Variants in EXOC4 observed in about 807,000 individuals in gnomAD.
EXOC4 encodes exocyst complex component 4.
Under a neutral mutation model 107.2 loss-of-function variants are expected in EXOC4, and 71 were observed. That is an observed-to-expected ratio of 0.66 (90% CI 0.55 to 0.81). The LOEUF (loss-of-function observed/expected upper bound fraction) is 0.81, where lower values mean the gene tolerates loss of function less well. EXOC4 is among the 30% of genes least tolerant of loss of function. EXOC4 has a pLI of 0.00. For synonymous variants in EXOC4, 456 were observed against 441.2 expected (o/e 1.03, Z -0.42); for missense variants, 1,108 against 1,189.6 (o/e 0.93, Z 1.01).
intron 14 of EXOC4, among the ~76,000 whole-genome samples, chr7:133,945,680 C>T (rs1218661826): frequency 6.6e-6 from 1 of 152,158 alleles, no homozygotes; most frequent in South Asian, 2.1e-4. Flanking sequence ...TGGAAAAGGC[C>T]GAGGTGTCGG....
intron 17 of EXOC4, among the ~76,000 whole-genome samples, chr7:134,049,613 G>C (rs1415307329): frequency 6.6e-6 from 1 of 152,088 alleles, no homozygotes; most frequent in East Asian, 1.9e-4. Flanking sequence ...AGCCCTTCCT[G>C]CCTGTGATCT....
chr7:133,356,665 G>A (rs1271251469), intron 6 of EXOC4, 92 bp downstream of exon 6: 2 of 1,442,048 alleles, frequency 1.4e-6, no homozygotes, highest in Admixed American at 4.0e-5. Flanking sequence ...TGTTGATGTT[G>A]TTTTCTTGAA....
At chr7:133,712,480 G>A (rs977438912) in intron 10 of EXOC4, among the ~76,000 whole-genome samples, 87 of 131,840 alleles carry the variant, frequency 6.6e-4, no homozygotes, top group African/African-American at 2.3e-3. Context: ...AAAATGGAGC[G>A]CTCCTACACT....
chr7:133,298,893 CA>C (rs1428042002), intron 3 of EXOC4, among the ~76,000 whole-genome samples: 2 of 152,250 alleles, frequency 1.3e-5, no homozygotes, highest in African/African-American at 4.8e-5. Context: ...AAAAGATTAG[CA>C]ATGACTTAAA....
chr7:133,651,834 A>C (rs1428638941), intron 10 of EXOC4, among the ~76,000 whole-genome samples: 1 of 152,018 alleles, frequency 6.6e-6, no homozygotes, highest in Non-Finnish European at 1.5e-5. Context: ...ACAGGCATGC[A>C]CGACCACACC....
At chr7:133,807,151 G>A (rs1797097535) in intron 10 of EXOC4, among the ~76,000 whole-genome samples, 1 of 152,156 alleles carries the variant, frequency 6.6e-6, no homozygotes, top group South Asian at 2.1e-4. Context: ...GACCCAGATG[G>A]TCTTGGAACC....
At chr7:133,872,458 A>AT (rs1244777401) in intron 11 of EXOC4, among the ~76,000 whole-genome samples, 3 of 152,162 alleles carry the variant, frequency 2.0e-5, no homozygotes, top group Admixed American at 2.0e-4. Context: ...TGAAGTACTC[A>AT]TTTGTCTGAC....
intron 13 of EXOC4, among the ~76,000 whole-genome samples, chr7:133,937,676 G>C (rs1001116384): frequency 1.3e-5 from 2 of 152,176 alleles, no homozygotes; most frequent in Non-Finnish European, 1.5e-5. Flanking sequence ...AATCATTGGA[G>C]TCACTTATTT....
intron 7 of EXOC4, among the ~76,000 whole-genome samples, chr7:133,456,938 T>TA (rs1798476145): frequency 6.6e-6 from 1 of 152,168 alleles, no homozygotes; most frequent in Admixed American, 6.5e-5. Context: ...GCAGAGAAAC[T>TA]AAATGTAGTT....
intron 10 of EXOC4, among the ~76,000 whole-genome samples, chr7:133,658,220 G>A (rs1803348156): frequency 6.6e-6 from 1 of 152,134 alleles, no homozygotes; most frequent in Non-Finnish European, 1.5e-5. Context: ...CGTGAGGACT[G>A]TTTGAGTCTA....
chr7:133,686,440 G>A (rs76152286), intron 10 of EXOC4, among the ~76,000 whole-genome samples: 2,585 of 152,190 alleles, frequency 0.017, 32 homozygotes, highest in Non-Finnish European at 0.027. Flanking sequence ...GATAAACACA[G>A]CAATTGATGC....
chr7:134,011,028 T>TA (rs1171023361), intron 17 of EXOC4, among the ~76,000 whole-genome samples: 1 of 152,236 alleles, frequency 6.6e-6, no homozygotes, highest in Non-Finnish European at 1.5e-5. Context: ...TCCTCTATGG[T>TA]AATGATCATT....
chr7:133,316,545 G>A lies in EXOC4; in HGVS notation c.657-739G>A, dbSNP rs148656369. Among the ~76,000 whole-genome samples the A allele has an allele frequency of 4.6e-5, 7 of 152,232 alleles. No homozygotes were observed. In the South Asian group the frequency reaches 1.5e-3, roughly 32 times the overall value. On this transcript the variant is annotated intron_variant, in intron 4 of 17. Coordinates refer to ENST00000253861, the MANE Select transcript of EXOC4 (RefSeq NM_021807.4). ...TCACTTAACAGGTATTTTGAGATGG[G>A]AATTAATTGGAAATTTTGTTTTTTA...
downstream of EXOC4, among the ~76,000 whole-genome samples, chr7:134,067,870 C>T (rs1796208501): frequency 6.6e-6 from 1 of 152,106 alleles, no homozygotes; most frequent in African/African-American, 2.4e-5. Flanking sequence ...GGTCTCTCAT[C>T]CTAGGCGGTG....
chr7:134,005,451 A>G (rs1794624080), intron 16 of EXOC4, among the ~76,000 whole-genome samples: 1 of 152,184 alleles, frequency 6.6e-6, no homozygotes, highest in African/African-American at 2.4e-5. Flanking sequence ...CTGAAAGATC[A>G]CTCATTGGCT....
At chr7:134,003,343 G>A (rs1017589673) in intron 15 of EXOC4, among the ~76,000 whole-genome samples, 1 of 152,152 alleles carries the variant, frequency 6.6e-6, no homozygotes, top group East Asian at 1.9e-4. Context: ...TGGAGGAGAT[G>A]TTTGTGTTCT....
chr7:133,722,129 A>G (rs1354002157), intron 10 of EXOC4, among the ~76,000 whole-genome samples: 1 of 152,380 alleles, frequency 6.6e-6, no homozygotes, highest in South Asian at 2.1e-4. Context: ...AACTAAAGAC[A>G]TAAAAATGTG....
intron 9 of EXOC4, among the ~76,000 whole-genome samples, chr7:133,593,324 C>T (rs1261912254): frequency 6.6e-6 from 1 of 152,162 alleles, no homozygotes; most frequent in Non-Finnish European, 1.5e-5. Flanking sequence ...TCTGACGTTT[C>T]TTCATTAGTT....
At chr7:133,495,455 C>A (rs981198815) in intron 9 of EXOC4, among the ~76,000 whole-genome samples, 2 of 152,040 alleles carry the variant, frequency 1.3e-5, no homozygotes, top group Admixed American at 6.6e-5. Flanking sequence ...CAGCTAAATT[C>A]TTGCACATAT....
Sources: gnomAD v4.1 joint callset for allele counts (sites outside exome capture counted in the v4.1 genomes callset) on GRCh38, gnomAD v4.1.1 for gene constraint, MANE v1.5 for transcripts, NCBI Gene and HGNC (gene_info 2026-07-23, HGNC 2026-07-21) for gene names.